The following DISC1 variants were observed in gnomAD, a reference collection of about 807,000 sequenced individuals.
DISC1 encodes the protein DISC1 scaffold protein, also known as disrupted in schizophrenia 1 protein.
Under a neutral mutation model 84.5 loss-of-function variants are expected in DISC1, and 57 were observed. The observed-to-expected ratio is 0.67, with a 90% CI of 0.55 to 0.84. The LOEUF (loss-of-function observed/expected upper bound fraction) is 0.84, where lower values mean the gene tolerates loss of function less well. DISC1 is among the 40% of genes least tolerant of loss of function. The pLI is 0.00. For synonymous variants in DISC1, 411 were observed against 415.2 expected, an observed-to-expected ratio of 0.99 and a Z score of 0.12; for missense variants, 1,000 against 1,057.8, an observed-to-expected ratio of 0.95 and a Z score of 0.76.
rs2076513395 is a variant in DISC1, at chr1:231,771,014, C to T, written c.1578C>T (p.Thr526=). 15 of 1,612,254 alleles carry T rather than the reference C, an allele frequency of 9.3e-6. No individual in the cohort carries two copies. In the East Asian group the frequency reaches 3.1e-4, roughly 34 times the overall value. ...LQEVSKALQD[T]LASAGQIPFH... is the part of the protein sequence containing the mutation. Reference sequence around the variant, plus strand: ...AGGTCAGCAAGGCCTTGCAGGACACCCTGGCCTCAGCCGGTCAGATTCCCT... The same window carrying T: ...AGGTCAGCAAGGCCTTGCAGGACACTCTGGCCTCAGCCGGTCAGATTCCCT... The change falls in exon 6 of 13, where the codon ACC becomes ACT. Residue 526 remains threonine, a synonymous_variant. Transcript: ENST00000439617.
At chr1:231,663,107 T>C (rs2061697972) in intron 1 of DISC1, among the ~76,000 whole-genome samples, 1 of 152,194 alleles carries the variant, frequency 6.6e-6, no homozygotes, top group Non-Finnish European at 1.5e-5. Flanking sequence ...ACTTTAGATC[T>C]AAAGGTTGAA....
At chr1:231,989,268 G>A (rs1664869477) in intron 10 of DISC1, among the ~76,000 whole-genome samples, 1 of 152,220 alleles carries the variant, frequency 6.6e-6, no homozygotes, top group Non-Finnish European at 1.5e-5. Context: ...TGCTGTTTCA[G>A]CTGACGGTCC....
intron 9 of DISC1, among the ~76,000 whole-genome samples, chr1:231,833,996 T>C (rs55730638): frequency 0.33 from 50,090 of 151,972 alleles, 8,472 homozygotes; most frequent in East Asian, 0.53. Context: ...GGCTGTAAAG[T>C]GTCTCAGGGT....
At chr1:231,827,466 C>G (rs1039965204) in intron 9 of DISC1, among the ~76,000 whole-genome samples, 4 of 152,102 alleles carry the variant, frequency 2.6e-5, no homozygotes, top group Non-Finnish European at 5.9e-5. Flanking sequence ...ATTTTGTTTT[C>G]CTTCTTGGCA....
intron 6 of DISC1, among the ~76,000 whole-genome samples, chr1:231,773,605 T>C (rs9726567): frequency 0.022 from 3,326 of 152,186 alleles, 97 homozygotes; most frequent in African/African-American, 0.073. Flanking sequence ...AGGATGGTCT[T>C]AATTTCCTGA....
At chr1:231,816,375 A>G (rs942276615) in intron 8 of DISC1, among the ~76,000 whole-genome samples, 1 of 152,142 alleles carries the variant, frequency 6.6e-6, no homozygotes, top group African/African-American at 2.4e-5. Context: ...CAAGTCTGTG[A>G]CTTGTCGTCT....
At chr1:231,663,390 G>T (rs1351170162) in intron 1 of DISC1, among the ~76,000 whole-genome samples, 12 of 152,134 alleles carry the variant, frequency 7.9e-5, no homozygotes, top group Admixed American at 7.9e-4. Context: ...CAGTATGTGG[G>T]CTAGTCCAGC....
At chr1:231,919,466 T>C (rs1254250059) in intron 9 of DISC1, among the ~76,000 whole-genome samples, 7 of 152,244 alleles carry the variant, frequency 4.6e-5, no homozygotes, top group Non-Finnish European at 1.0e-4. Flanking sequence ...CCAGGCACGC[T>C]GGCTTTCCTG....
intron 5 of DISC1, among the ~76,000 whole-genome samples, chr1:231,769,342 C>G (rs1190485804): frequency 6.6e-6 from 1 of 152,156 alleles, no homozygotes; most frequent in Non-Finnish European, 1.5e-5. Context: ...CAGCGTTATA[C>G]ACAATAGCCA....
intron 10 of DISC1, among the ~76,000 whole-genome samples, chr1:232,002,416 C>G (rs992925030): frequency 3.9e-5 from 6 of 152,136 alleles, no homozygotes; most frequent in Non-Finnish European, 8.8e-5. Context: ...ACACAAACAC[C>G]TATGCACAGA....
chr1:231,774,389 GA>G (rs1407179434), intron 6 of DISC1, among the ~76,000 whole-genome samples: 2 of 152,176 alleles, frequency 1.3e-5, no homozygotes, highest in Non-Finnish European at 2.9e-5. Context: ...CTGCGATAAG[GA>G]AGTTATACAG....
At chr1:231,815,604 G>C (rs1301356690) in intron 8 of DISC1, among the ~76,000 whole-genome samples, 1 of 152,034 alleles carries the variant, frequency 6.6e-6, no homozygotes, top group Non-Finnish European at 1.5e-5. Context: ...TGGGCGTGGT[G>C]GTGGGCACTT....
chr1:231,856,925 C>T (rs773186566), intron 9 of DISC1, among the ~76,000 whole-genome samples: 28 of 152,192 alleles, frequency 1.8e-4, no homozygotes, highest in Non-Finnish European at 7.3e-5. Flanking sequence ...GCAGAGTGGG[C>T]TGCAGCAATC....
intron 1 of DISC1, among the ~76,000 whole-genome samples, chr1:231,634,935 A>G (rs1395409153): frequency 1.3e-5 from 2 of 152,020 alleles, no homozygotes; most frequent in Non-Finnish European, 2.9e-5. Flanking sequence ...AAAAAAATGA[A>G]AAAACTCCCC....
chr1:231,840,734 G>A (rs1004827421), intron 9 of DISC1, among the ~76,000 whole-genome samples: 1 of 151,726 alleles, frequency 6.6e-6, no homozygotes, highest in African/African-American at 2.4e-5. Context: ...TTGAGACGGA[G>A]TCTCGCTCTG....
intron 9 of DISC1, among the ~76,000 whole-genome samples, chr1:231,861,610 T>A (rs936247588): frequency 6.6e-6 from 1 of 152,128 alleles, no homozygotes; most frequent in Non-Finnish European, 1.5e-5. Context: ...ATATCTTGAG[T>A]AAATTTAGCT....
intron 10 of DISC1, among the ~76,000 whole-genome samples, chr1:231,995,279 A>G (rs1415219909): frequency 1.3e-5 from 2 of 151,716 alleles, no homozygotes; most frequent in Admixed American, 6.6e-5. Context: ...CACATATCAG[A>G]TATTTTACAC....
chr1:231,920,470 T>C (rs909624243), intron 9 of DISC1, among the ~76,000 whole-genome samples: 12 of 152,254 alleles, frequency 7.9e-5, no homozygotes, highest in Non-Finnish European at 8.8e-5. Context: ...TTTCTGGCTC[T>C]ATGCATTTGA....
At chr1:232,025,468 G>A (rs1669357988) in intron 11 of DISC1, among the ~76,000 whole-genome samples, 1 of 152,158 alleles carries the variant, frequency 6.6e-6, no homozygotes, top group Admixed American at 6.5e-5. Flanking sequence ...GGGAAAAAGT[G>A]AGAGAAGGAA....
Sources: allele counts gnomAD v4.1 joint callset (sites outside exome capture counted in the v4.1 genomes callset), GRCh38; gene constraint gnomAD v4.1.1; transcripts MANE v1.5; gene names NCBI Gene and HGNC (gene_info 2026-07-23, HGNC 2026-07-21).